INTS7: variants seen among roughly 807,000 people sequenced by gnomAD.
INTS7 encodes chromosome 1 open reading frame 73.
Under a neutral mutation model 109.2 loss-of-function variants are expected in INTS7, and 46 were observed. The ratio of observed to expected loss-of-function variants is 0.42; its 90% confidence interval spans 0.33 to 0.54. The LOEUF is 0.54. Among genes scored for constraint, INTS7 ranks in the 20% least tolerant of loss-of-function variants. INTS7 has a pLI of 0.07. For synonymous variants in INTS7, 412 were observed against 402.9 expected (o/e 1.02, Z -0.27); for missense variants, 929 against 1,132.4 (o/e 0.82, Z 2.58).
chr1:211,989,239 C>A (rs937986828), intron 7 of INTS7, among the ~76,000 whole-genome samples: 6 of 151,896 alleles, frequency 4.0e-5, no homozygotes, highest in African/African-American at 1.5e-4. Context: ...CAGAAAACAT[C>A]CAGAAAAACT....
chr1:211,991,940 GCA>G (rs1665165890), intron 7 of INTS7, among the ~76,000 whole-genome samples: 2 of 152,210 alleles, frequency 1.3e-5, no homozygotes, highest in African/African-American at 4.8e-5. Context: ...AAGTGCCTAA[GCA>G]CAGTGACAGG....
intron 16 of INTS7, 165 bp downstream of exon 16, chr1:211,966,265 T>C (rs1663873398): frequency 2.2e-6 from 1 of 454,870 alleles, no homozygotes; most frequent in African/African-American, 2.0e-5. Context: ...AGGAGGTAAA[T>C]CTATGTTTTG....
chr1:211,992,021 G>A lies in INTS7; in HGVS notation c.880-4018C>T, dbSNP rs187899827. On this transcript the variant is annotated intron_variant, in intron 7 of 19. Transcript: ENST00000366994. ...TGAGGAAATAAAAGCAGATATAGAT[G>A]CTGTTTTTGAAGTTCAAAAGAATGC... is the stretch of plus-strand genomic sequence containing the variant. Among the ~76,000 whole-genome samples, 99 of 152,280 alleles carry A rather than the reference G, an allele frequency of 6.5e-4. No individual in the cohort carries two copies. In the East Asian group the frequency reaches 0.012, roughly 18 times the overall value.
chr1:212,011,698 T>G, intron 4 of INTS7: 1 of 327,376 alleles, frequency 3.1e-6, no homozygotes, highest in East Asian at 5.0e-5. Flanking sequence ...CTAACAAGCA[T>G]CTGAAATTAT....
intron 3 of INTS7, 125 bp downstream of exon 3, chr1:212,019,997 C>A: frequency 1.6e-6 from 1 of 629,604 alleles, no homozygotes; most frequent in Non-Finnish European, 2.5e-6. Flanking sequence ...TTTGCCTTGA[C>A]TCTTAGTCAA....
At chr1:211,953,453 GGTTT>G (rs950526523) in intron 16 of INTS7, among the ~76,000 whole-genome samples, 11 of 151,306 alleles carry the variant, frequency 7.3e-5, no homozygotes, top group African/African-American at 2.7e-4. Flanking sequence ...ACAATGTGCA[GGTTT>G]GTTACATATG....
Position 212,027,843 on chromosome 1 carries a change from T to G in INTS7, c.95-6631A>C, listed in dbSNP as rs1666995177. Among the ~76,000 whole-genome samples the G allele has an allele frequency of 2.0e-5, 3 of 151,926 alleles. No individual in the cohort carries two copies. In the South Asian group the frequency reaches 6.2e-4, roughly 32 times the overall value. ...TTGGCATCGAGATTCCTTTTTTTTT[T>G]CTTGAGACAGTCTCACTCTGCCGCC... On this transcript the variant is annotated intron_variant, in intron 1 of 19. Transcript: ENST00000366994.
intron 7 of INTS7, 26 bp from the exon 8 acceptor site, chr1:211,988,029 T>A: frequency 8.2e-7 from 1 of 1,218,880 alleles, no homozygotes; most frequent in Non-Finnish European, 1.2e-6. Flanking sequence ...GAAATGAATA[T>A]AGAAGTTAAA....
chr1:211,943,911 A>G (rs1295517833), intron 19 of INTS7, among the ~76,000 whole-genome samples: 1 of 152,226 alleles, frequency 6.6e-6, no homozygotes, highest in East Asian at 1.9e-4. Flanking sequence ...ATAAACCACC[A>G]GGGAATCGGA....
intron 18 of INTS7, 134 bp from the exon 19 acceptor site, chr1:211,945,103 G>T: frequency 1.4e-6 from 1 of 722,538 alleles, no homozygotes; most frequent in Non-Finnish European, 2.3e-6. Context: ...GGACCTGACT[G>T]TGCCAGGACA....
intron 13 of INTS7, among the ~76,000 whole-genome samples, chr1:211,974,893 T>C (rs1664351607): frequency 6.6e-6 from 1 of 152,198 alleles, no homozygotes; most frequent in South Asian, 2.1e-4. Context: ...TCTTAGTCTG[T>C]AGAGGGAGCA....
intron 7 of INTS7, among the ~76,000 whole-genome samples, chr1:211,991,201 G>T (rs1328237686): frequency 6.6e-6 from 1 of 152,166 alleles, no homozygotes; most frequent in Non-Finnish European, 1.5e-5. Context: ...TTAGAAAAAG[G>T]ACAGAAAATA....
chr1:212,028,864 A>G (rs1339691555), intron 1 of INTS7, among the ~76,000 whole-genome samples: 1 of 152,232 alleles, frequency 6.6e-6, no homozygotes, highest in Non-Finnish European at 1.5e-5. Flanking sequence ...AGACAAGCTA[A>G]GCAATTTGCG....
intron 17 of INTS7, among the ~76,000 whole-genome samples, chr1:211,951,289 T>A (rs1663072981): frequency 6.6e-6 from 1 of 151,444 alleles, no homozygotes; most frequent in Admixed American, 6.6e-5. Context: ...ATGGGATGAG[T>A]GTTTTTTTTG....
At chr1:211,971,942 G>GAAAAGA (rs1297678607) in intron 13 of INTS7, among the ~76,000 whole-genome samples, 3 of 136,060 alleles carry the variant, frequency 2.2e-5, no homozygotes, top group South Asian at 2.4e-4. Flanking sequence ...AAAAAGAAAA[G>GAAAAGA]AAAAGAAAAA....
chr1:212,003,930 A>T (rs944497617), intron 7 of INTS7, among the ~76,000 whole-genome samples: 1 of 152,220 alleles, frequency 6.6e-6, no homozygotes. Flanking sequence ...AACAGGGGAG[A>T]CAGAGAGAAA....
At chr1:211,961,948 G>C (rs557988538) in intron 16 of INTS7, among the ~76,000 whole-genome samples, 1 of 152,118 alleles carries the variant, frequency 6.6e-6, no homozygotes, top group Non-Finnish European at 1.5e-5. Context: ...AGACCAGTGA[G>C]ACACTATAAA....
At chr1:211,963,944 GC>G (rs1215278552) in intron 16 of INTS7, among the ~76,000 whole-genome samples, 1 of 152,122 alleles carries the variant, frequency 6.6e-6, no homozygotes, top group Non-Finnish European at 1.5e-5. Context: ...ACAAAAGGAT[GC>G]TCTCTCTCAC....
chr1:212,035,033 C>T (rs1667362284), intron 1 of INTS7, among the ~76,000 whole-genome samples: 1 of 152,236 alleles, frequency 6.6e-6, no homozygotes, highest in Non-Finnish European at 1.5e-5. Context: ...AATTTCTTTG[C>T]AGTGTCTCTT....
Sources: gnomAD v4.1 joint callset for allele counts (sites outside exome capture counted in the v4.1 genomes callset) on GRCh38, gnomAD v4.1.1 for gene constraint, MANE v1.5 for transcripts, NCBI Gene and HGNC (gene_info 2026-07-23, HGNC 2026-07-21) for gene names.